Variants in ADAMTSL3 observed in about 807,000 individuals in gnomAD.
The protein encoded by ADAMTSL3 is ADAMTS-like protein 3.
In ADAMTSL3, 128 loss-of-function variants were observed where a neutral mutation model predicts 201.7. That is an observed-to-expected ratio of 0.63 (90% CI 0.55 to 0.73). The LOEUF is 0.73. ADAMTSL3 is among the 30% of genes least tolerant of loss of function. The pLI is 0.00. For missense variants in ADAMTSL3, 1,990 were observed against 2,119.6 expected (o/e 0.94, Z 1.20); for synonymous variants, 738 against 748.4 (o/e 0.99, Z 0.23).
intron 20 of ADAMTSL3, among the ~76,000 whole-genome samples, chr15:83,971,626 G>A (rs551076756): frequency 2.7e-5 from 4 of 150,606 alleles, no homozygotes; most frequent in South Asian, 2.1e-4. Flanking sequence ...AGCCGAGGGC[G>A]GCCATGACAG....
chr15:84,016,253 T>C (rs767317985), intron 24 of ADAMTSL3, 130 bp from the exon 25 acceptor site: 107 of 675,146 alleles, frequency 1.6e-4, no homozygotes, highest in Middle Eastern at 5.8e-4. Context: ...GGTCATGAGC[T>C]TGAGTATCCA....
At chr15:83,690,500 C>A (rs549446492) in intron 2 of ADAMTSL3, among the ~76,000 whole-genome samples, 1 of 152,300 alleles carries the variant, frequency 6.6e-6, no homozygotes, top group Non-Finnish European at 1.5e-5. Flanking sequence ...CTGTCCTCTC[C>A]ATTTTTCTGG....
intron 6 of ADAMTSL3, among the ~76,000 whole-genome samples, chr15:83,821,579 G>T (rs544797806): frequency 0.011 from 1,591 of 150,910 alleles, 28 homozygotes; most frequent in African/African-American, 0.033. Context: ...AGATCAACAG[G>T]ATCCCAAGGC....
chr15:83,756,608 C>A (rs555465819), intron 3 of ADAMTSL3, among the ~76,000 whole-genome samples: 7 of 151,384 alleles, frequency 4.6e-5, no homozygotes, highest in African/African-American at 1.2e-4. Context: ...TGCCCCCCCC[C>A]CAAATCTCAT....
At chr15:83,911,339 G>A (rs2065929273) in intron 15 of ADAMTSL3, among the ~76,000 whole-genome samples, 2 of 152,160 alleles carry the variant, frequency 1.3e-5, no homozygotes, top group African/African-American at 2.4e-5. Flanking sequence ...TAGACTGTGT[G>A]TATGTAGCAT....
chr15:83,857,824 G>A (rs956122611), intron 7 of ADAMTSL3, among the ~76,000 whole-genome samples: 1 of 152,160 alleles, frequency 6.6e-6, no homozygotes, highest in Non-Finnish European at 1.5e-5. Flanking sequence ...ATTGTTTTGC[G>A]TAAGTTAGAC....
chr15:83,937,989 A>G (rs1230934262), intron 17 of ADAMTSL3, among the ~76,000 whole-genome samples: 7 of 151,076 alleles, frequency 4.6e-5, no homozygotes, highest in Non-Finnish European at 8.8e-5. Flanking sequence ...AAGTCATACC[A>G]AAGTCATGTC....
At position 84,014,637 on chromosome 15, in the gene ADAMTSL3, G is replaced by A. The variant is rs772638402; in HGVS notation, c.4069G>A (p.Val1357Ile). The part of the protein sequence containing the change: ...LFNGSLLLQN[V>I]SLENEGTYVC... ...CAATGGATCCCTGTTGTTGCAGAAT[G>A]TTTCCCTTGAAAATGAAGGAACCTA... Residue 1357 changes from valine (V) to isoleucine (I), a missense_variant, in exon 24 of 30, where the codon GTT (valine) becomes ATT (isoleucine). Physicochemically the swap from Val to Ile is conservative, Grantham distance 29. Coordinates refer to ENST00000286744, the MANE Select transcript of ADAMTSL3 (RefSeq NM_207517.3). 5.6e-6 allele frequency: 9 copies of A among 1,612,668 alleles called. No homozygotes were observed. The South Asian group carries it at 7.7e-5, about 14-fold the overall frequency.
intron 7 of ADAMTSL3, among the ~76,000 whole-genome samples, chr15:83,851,570 A>G (rs954838646): frequency 1.3e-5 from 2 of 152,166 alleles, no homozygotes; most frequent in South Asian, 2.1e-4. Flanking sequence ...AAGCTTTCTA[A>G]TTTATATGTA....
chr15:83,762,552 C>T (rs141225462), intron 3 of ADAMTSL3, among the ~76,000 whole-genome samples: 10 of 152,090 alleles, frequency 6.6e-5, no homozygotes, highest in African/African-American at 2.4e-4. Context: ...GCCATGTCCT[C>T]TAGAGGGCAC....
At chr15:83,737,067 C>T (rs570946943) in intron 3 of ADAMTSL3, among the ~76,000 whole-genome samples, 63 of 152,176 alleles carry the variant, frequency 4.1e-4, no homozygotes, top group African/African-American at 1.4e-3. Context: ...GAAACTATTA[C>T]ATTATGGAAA....
intron 27 of ADAMTSL3, 67 bp downstream of exon 27, chr15:84,025,503 C>G (rs1341705320): frequency 6.8e-7 from 1 of 1,471,174 alleles, no homozygotes; most frequent in South Asian, 1.3e-5. Flanking sequence ...ATAATAATCA[C>G]CTTGTTTCCA....
intron 2 of ADAMTSL3, among the ~76,000 whole-genome samples, chr15:83,679,580 T>G (rs1475977066): frequency 6.6e-6 from 1 of 152,182 alleles, no homozygotes; most frequent in Non-Finnish European, 1.5e-5. Context: ...AATGCTACTC[T>G]GATCTGCTTC....
At chr15:83,831,755 A>C (rs12912713) in intron 6 of ADAMTSL3, among the ~76,000 whole-genome samples, 21,315 of 151,060 alleles carry the variant, frequency 0.14, 1,952 homozygotes, top group Middle Eastern at 0.33. Context: ...CCCCACCTCA[A>C]ATACTTCAAT....
At chr15:83,709,534 T>A (rs1270825826) in intron 3 of ADAMTSL3, among the ~76,000 whole-genome samples, 2 of 152,188 alleles carry the variant, frequency 1.3e-5, no homozygotes, top group Non-Finnish European at 2.9e-5. Flanking sequence ...TTTTCATCGC[T>A]GAGTAAGTCA....
chr15:83,842,765 T>G (rs773255945), intron 7 of ADAMTSL3, among the ~76,000 whole-genome samples: 2 of 152,126 alleles, frequency 1.3e-5, no homozygotes, highest in Non-Finnish European at 2.9e-5. Context: ...GAGGCTATAC[T>G]GAGAAGTGTT....
At chr15:84,020,082 G>A (rs1016000861) in intron 25 of ADAMTSL3, among the ~76,000 whole-genome samples, 8 of 152,010 alleles carry the variant, frequency 5.3e-5, no homozygotes, top group African/African-American at 1.7e-4. Flanking sequence ...TCATGGTTAC[G>A]TAAGTGCTTA....
chr15:83,714,128 T>C (rs1341746870), intron 3 of ADAMTSL3, among the ~76,000 whole-genome samples: 3 of 152,232 alleles, frequency 2.0e-5, no homozygotes, highest in Non-Finnish European at 4.4e-5. Flanking sequence ...GCTTTTTGTG[T>C]AAACCTTTTT....
intron 21 of ADAMTSL3, among the ~76,000 whole-genome samples, chr15:83,985,458 A>G (rs1402404780): frequency 1.3e-5 from 2 of 152,118 alleles, no homozygotes; most frequent in Non-Finnish European, 2.9e-5. Flanking sequence ...TTTATTGGTC[A>G]TTCTTTCAAG....
Sources: allele counts gnomAD v4.1 joint callset (sites outside exome capture counted in the v4.1 genomes callset), GRCh38; gene constraint gnomAD v4.1.1; transcripts MANE v1.5; gene names NCBI Gene and HGNC (gene_info 2026-07-23, HGNC 2026-07-21).